Variants in PRKCZ observed in about 807,000 individuals in gnomAD.
PRKCZ encodes the protein protein kinase C zeta type.
PRKCZ carries 33 observed loss-of-function variants against 79.5 expected under a neutral mutation model. The ratio of observed to expected loss-of-function variants is 0.41; its 90% CI spans 0.31 to 0.55. PRKCZ has a LOEUF of 0.55. Among genes scored for constraint, PRKCZ ranks in the 20% least tolerant of loss-of-function variants. PRKCZ has a pLI of 0.19. For missense variants in PRKCZ, 578 were observed against 813.5 expected, an observed-to-expected ratio of 0.71 and a Z score of 3.52; for synonymous variants, 342 against 320.9, an observed-to-expected ratio of 1.07 and a Z score of -0.70.
intron 16 of PRKCZ, chr1:2,183,525 G>A (rs1001439812): frequency 5.3e-5 from 8 of 152,354 alleles, no homozygotes; most frequent in African/African-American, 1.9e-4. Flanking sequence ...TAGAGAGTGA[G>A]GGAGTAAGCG....
chr1:2,085,363 T>C (rs16824749), intron 4 of PRKCZ, among the ~76,000 whole-genome samples: 28,596 of 152,234 alleles, frequency 0.19, 3,628 homozygotes, highest in East Asian at 0.61. Context: ...ATCTTCAGAA[T>C]GCGCCTCCAG....
chr1:2,162,269 A>G (rs1043877892), intron 10 of PRKCZ, among the ~76,000 whole-genome samples: 3 of 152,142 alleles, frequency 2.0e-5, no homozygotes, highest in Non-Finnish European at 4.4e-5. Context: ...GTAGCTGGGA[A>G]TACAGGCCCC....
chr1:2,099,421 G>A (rs777877108), intron 4 of PRKCZ, among the ~76,000 whole-genome samples: 8 of 152,108 alleles, frequency 5.3e-5, no homozygotes, highest in Non-Finnish European at 8.8e-5. Flanking sequence ...AAAGCAAAGC[G>A]GGCTCACTGT....
At chr1:2,107,089 T>C (rs1172071124) in intron 4 of PRKCZ, among the ~76,000 whole-genome samples, 1 of 152,270 alleles carries the variant, frequency 6.6e-6, no homozygotes, top group Non-Finnish European at 1.5e-5. Flanking sequence ...AGAAGGCCTG[T>C]GCCTCGCAGG....
intron 10 of PRKCZ, among the ~76,000 whole-genome samples, chr1:2,159,810 C>T (rs746346414): frequency 4.9e-4 from 74 of 152,318 alleles, no homozygotes; most frequent in Non-Finnish European, 9.6e-4. Context: ...CTTTTCCAGA[C>T]AGCAGCCAAA....
chr1:2,067,610 G>A (rs1176700892), intron 4 of PRKCZ, among the ~76,000 whole-genome samples: 1 of 152,128 alleles, frequency 6.6e-6, no homozygotes, highest in African/African-American at 2.4e-5. Context: ...CGTGTGCCGG[G>A]CTGCCCAGGG....
chr1:2,104,472 T>C (rs1444158619), intron 4 of PRKCZ, among the ~76,000 whole-genome samples: 2 of 152,072 alleles, frequency 1.3e-5, no homozygotes, highest in Non-Finnish European at 2.9e-5. Context: ...AGCATCGGTC[T>C]GCGAGGGGTA....
chr1:2,153,657 C>T (rs910591217), intron 9 of PRKCZ, among the ~76,000 whole-genome samples: 26 of 152,222 alleles, frequency 1.7e-4, no homozygotes, highest in Non-Finnish European at 2.9e-4. Context: ...AGGATTCCAG[C>T]CCCCTTTGCA....
chr1:2,145,532 C>G (rs1172348468), intron 6 of PRKCZ: 1 of 154,214 alleles, frequency 6.5e-6, no homozygotes, highest in African/African-American at 2.4e-5. Context: ...TGTTCTTTAT[C>G]TAATTCAGTA....
chr1:2,101,349 C>T (rs982057647), intron 4 of PRKCZ, among the ~76,000 whole-genome samples: 3 of 152,198 alleles, frequency 2.0e-5, no homozygotes, highest in African/African-American at 7.2e-5. Flanking sequence ...GGCATCTCCC[C>T]TCCTCGCCCC....
At chr1:2,090,997 T>G (rs865985909) in intron 4 of PRKCZ, among the ~76,000 whole-genome samples, 6 of 152,228 alleles carry the variant, frequency 3.9e-5, no homozygotes, top group African/African-American at 1.2e-4. Context: ...AGATGTGCTT[T>G]AATAAAGAGG....
At chr1:2,130,510 GACCAA>G (rs1335655396) in intron 4 of PRKCZ, among the ~76,000 whole-genome samples, 1 of 152,212 alleles carries the variant, frequency 6.6e-6, no homozygotes, top group Non-Finnish European at 1.5e-5. Context: ...TTTCCAGAGA[GACCAA>G]ACCAATAGGG....
chr1:2,106,817 T>C (rs61775411), intron 4 of PRKCZ, among the ~76,000 whole-genome samples: 5,350 of 28,958 alleles, frequency 0.18, 343 homozygotes, highest in Non-Finnish European at 0.28. Flanking sequence ...CAGGCCCCTC[T>C]GGTGGGCGAG....
At chr1:2,066,681 T>C (rs551819698) in intron 4 of PRKCZ, among the ~76,000 whole-genome samples, 2 of 152,222 alleles carry the variant, frequency 1.3e-5, no homozygotes, top group Non-Finnish European at 2.9e-5. Flanking sequence ...CTGCCAGCTT[T>C]TGGTTTGTTC....
At chr1:2,077,821 T>C (rs566165635) in intron 4 of PRKCZ, among the ~76,000 whole-genome samples, 2 of 152,358 alleles carry the variant, frequency 1.3e-5, no homozygotes, top group South Asian at 4.1e-4. Flanking sequence ...CTGGGACACA[T>C]CAGCTCATCT....
intron 4 of PRKCZ, among the ~76,000 whole-genome samples, chr1:2,105,223 C>T (rs867633351): frequency 1.5e-4 from 23 of 152,290 alleles, no homozygotes; most frequent in South Asian, 2.1e-4. Context: ...CCGGCACTGC[C>T]GCCCAGCAGG....
intron 2 of PRKCZ, chr1:2,055,814 C>T: frequency 2.2e-6 from 1 of 462,436 alleles, no homozygotes; most frequent in South Asian, 3.5e-5. Context: ...GTCTCCCTGC[C>T]CCACCCTGGG....
Position 2,172,004 on chromosome 1 carries a change from G to C in PRKCZ, c.1062-51G>C. 1.9e-6 allele frequency: 3 copies of C among 1,540,926 alleles called. No homozygotes were observed. Among genetic ancestry groups the C allele is most frequent in the Non-Finnish European group, 2.6e-6 (3 of 1,145,064 alleles). On this transcript the variant is annotated intron_variant, in intron 11 of 17. Coordinates refer to ENST00000378567, the MANE Select transcript of PRKCZ (RefSeq NM_002744.6). This position sits in a 1 kb window ranked among gnomAD's most constrained non-coding sequence, Gnocchi z 7.8. ...TGTGGCCCCCAGGCTGGAGCTGTTG[G>C]CGCAGCCTCTGGCACAGGCACTGCC...
At chr1:2,156,921 C>A (rs1157614664) in intron 10 of PRKCZ, among the ~76,000 whole-genome samples, 1 of 151,478 alleles carries the variant, frequency 6.6e-6, no homozygotes, top group Non-Finnish European at 1.5e-5. Flanking sequence ...GTTGTGTGCA[C>A]GTGTGTGTGT....
Sources: gnomAD v4.1 joint callset for allele counts (sites outside exome capture counted in the v4.1 genomes callset) on GRCh38, gnomAD v4.1.1 for gene constraint, Gnocchi (gnomAD v3.1) non-coding constraint, MANE v1.5 for transcripts, NCBI Gene and HGNC (gene_info 2026-07-23, HGNC 2026-07-21) for gene names.